The following NBAS variants were observed in gnomAD, a reference collection of about 807,000 sequenced individuals.
NBAS encodes NBAS subunit of NRZ tethering complex.
NBAS carries 219 observed loss-of-function variants against 302.5 expected under a neutral mutation model. The observed-to-expected ratio is 0.72, with a 90% CI of 0.65 to 0.81. NBAS has a LOEUF of 0.81. NBAS is among the 30% of genes least tolerant of loss of function. The pLI is 0.00. For synonymous variants in NBAS, 1,118 were observed against 1,021.6 expected (o/e 1.09, Z -1.80); for missense variants, 2,932 against 2,841.6 (o/e 1.03, Z -0.72).
At chr2:14,844,952 G>A in the NBAS span, among the ~76,000 whole-genome samples, 104 of 152,194 alleles carry the variant, frequency 6.8e-4, 1 homozygote, top group Non-Finnish European at 1.3e-3. Flanking sequence ...TGGTAACTCT[G>A]AAACCAAATG....
chr2:15,206,173 G>A (rs992429525), intron 48 of NBAS, among the ~76,000 whole-genome samples: 2 of 152,132 alleles, frequency 1.3e-5, no homozygotes, highest in African/African-American at 4.8e-5. Flanking sequence ...ATGGAGATGA[G>A]GAAGTTATTG....
intron 44 of NBAS, among the ~76,000 whole-genome samples, chr2:15,266,493 G>C (rs1260594659): frequency 1.3e-5 from 2 of 152,100 alleles, no homozygotes; most frequent in East Asian, 3.8e-4. Flanking sequence ...GAAACCGACA[G>C]GATCCTATCC....
At position 15,475,840 on chromosome 2, in the gene NBAS, C is replaced by T; in HGVS notation, c.1188G>A (p.Trp396Ter). 1.2e-6 allele frequency: 2 copies of T among 1,613,892 alleles called. No homozygotes were observed. Among genetic ancestry groups the T allele is most frequent in the Non-Finnish European group, 1.7e-6 (2 of 1,179,900 alleles). ...SFYPLIDVNW[W>*]ADSAVTLARC... The stretch of plus-strand genomic sequence containing the variant: ...GAGCTAAAGTCACTGCACTGTCTGC[C>T]CACCAATTGACATCTATCAGTGGGT... Residue 396 changes from tryptophan to a stop codon, truncating the protein, a stop_gained, in exon 14 of 52, where the codon TGG becomes TGA. Coordinates refer to ENST00000281513, the MANE Select transcript of NBAS (RefSeq NM_015909.4). LOFTEE classifies it high-confidence loss of function.
chr2:15,093,287 G>A, the NBAS span, among the ~76,000 whole-genome samples: 7 of 152,094 alleles, frequency 4.6e-5, no homozygotes, highest in African/African-American at 1.4e-4. Context: ...GTGGTGGCAC[G>A]TGCCGGTAAT....
At chr2:15,464,975 T>C (rs1679661007) in intron 19 of NBAS, among the ~76,000 whole-genome samples, 1 of 152,234 alleles carries the variant, frequency 6.6e-6, no homozygotes, top group East Asian at 1.9e-4. Flanking sequence ...TATGAGCCCT[T>C]GCTTCCTATT....
the NBAS span, among the ~76,000 whole-genome samples, chr2:14,973,374 G>A: frequency 0.013 from 1,946 of 152,258 alleles, 45 homozygotes; most frequent in African/African-American, 0.043. Flanking sequence ...AAACCTCTAC[G>A]AAGAAATGAC....
In NBAS at chr2:15,474,100, G is replaced by A. The variant is rs776907714; in HGVS notation, c.1566C>T (p.Arg522=). The A allele has an allele frequency of 1.2e-6, 2 of 1,614,150 alleles. No individual in the cohort carries two copies. The highest frequency in any genetic ancestry group is 1.1e-5 in the South Asian group (1 of 91,080). Residue 522 remains arginine, a synonymous_variant, in exon 15 of 52, where the codon CGC becomes CGT. Coordinates refer to ENST00000281513, the MANE Select transcript of NBAS (RefSeq NM_015909.4). ...ITKNYRLVSL[R]STTPEELYQR... The stretch of plus-strand genomic sequence containing the variant: ...GATAAAGTTCCTCTGGTGTCGTGGA[G>A]CGCAAACTCACAAGGCGGTAGTTTT...
intron 6 of NBAS, among the ~76,000 whole-genome samples, chr2:15,548,299 C>G (rs1382351123): frequency 1.3e-5 from 2 of 152,090 alleles, no homozygotes; most frequent in Non-Finnish European, 2.9e-5. Context: ...CCCCTGCCAT[C>G]AAATAATTTA....
chr2:15,001,258 G>T, the NBAS span, among the ~76,000 whole-genome samples: 2,080 of 152,152 alleles, frequency 0.014, 41 homozygotes, highest in African/African-American at 0.039. Context: ...CATATAGAGA[G>T]AGAGAGATAT....
In NBAS at chr2:15,536,321, T is replaced by C. The variant is rs911776059; in HGVS notation, c.647+97A>G. On this transcript the variant is annotated intron_variant, in intron 8 of 51. Transcript: ENST00000281513. ...CTATTATATTTGCAATTTTTCATAA[T>C]AGACAGAAAGCAAAAAAAAAAAGAA... The C allele has an allele frequency of 1.7e-5, 24 of 1,431,846 alleles. No homozygotes were observed. In the Admixed American group the frequency reaches 1.7e-4, roughly 10 times the overall value. 88.7% of individuals were successfully genotyped at this position (1,431,846 alleles called of 1,614,324 possible). A position where few individuals can be genotyped will look rare whatever the true frequency, so the allele number is the denominator to read the frequency against.
intron 47 of NBAS, among the ~76,000 whole-genome samples, chr2:15,220,207 G>T (rs1666888364): frequency 6.7e-6 from 1 of 149,830 alleles, no homozygotes; most frequent in Non-Finnish European, 1.5e-5. Flanking sequence ...TCCCGGACGG[G>T]GCGGCTGGCC....
the NBAS span, among the ~76,000 whole-genome samples, chr2:14,895,676 C>G: frequency 4.0e-5 from 6 of 150,568 alleles, no homozygotes; most frequent in Admixed American, 2.0e-4. Flanking sequence ...GGAGGTGGAG[C>G]TTGCAGTGAG....
At chr2:15,153,983 T>G in the NBAS span, among the ~76,000 whole-genome samples, 1 of 152,224 alleles carries the variant, frequency 6.6e-6, no homozygotes, top group Admixed American at 6.5e-5. Flanking sequence ...TTGTACAGAT[T>G]GCATTATTTG....
intron 10 of NBAS, among the ~76,000 whole-genome samples, chr2:15,509,834 T>A (rs974201575): frequency 6.9e-6 from 1 of 143,988 alleles, no homozygotes; most frequent in Non-Finnish European, 1.5e-5. Context: ...CCAAGCTGCA[T>A]AATTTTGGCC....
the NBAS span, among the ~76,000 whole-genome samples, chr2:14,923,599 G>A: frequency 2.0e-5 from 3 of 152,158 alleles, no homozygotes; most frequent in African/African-American, 4.8e-5. Flanking sequence ...AAAAGGTAGG[G>A]GTGTATCCAT....
chr2:14,797,166 G>T, the NBAS span, among the ~76,000 whole-genome samples: 2 of 56,356 alleles, frequency 3.5e-5, no homozygotes, highest in Non-Finnish European at 6.7e-5. Context: ...CTTTGGGTTG[G>T]GGGGTGACCC....
the NBAS span, among the ~76,000 whole-genome samples, chr2:14,875,262 G>C: frequency 6.6e-6 from 1 of 152,086 alleles, no homozygotes; most frequent in South Asian, 2.1e-4. Flanking sequence ...CAAAACGCTA[G>C]AACTAGTACT....
chr2:15,305,853 T>C (rs1671012756), intron 40 of NBAS, among the ~76,000 whole-genome samples: 1 of 152,166 alleles, frequency 6.6e-6, no homozygotes, highest in Non-Finnish European at 1.5e-5. Context: ...AGGACCTTAA[T>C]AAAGATGATA....
At chr2:15,190,946 T>C (rs938703110) in intron 48 of NBAS, among the ~76,000 whole-genome samples, 1 of 152,198 alleles carries the variant, frequency 6.6e-6, no homozygotes, top group African/African-American at 2.4e-5. Flanking sequence ...AATGAAAAAG[T>C]AGTCTCTGCC....
Sources: gnomAD v4.1 joint callset for allele counts (sites outside exome capture counted in the v4.1 genomes callset) on GRCh38, gnomAD v4.1.1 for gene constraint, MANE v1.5 for transcripts, NCBI Gene and HGNC (gene_info 2026-07-23, HGNC 2026-07-21) for gene names.